UBR3: variants seen among roughly 807,000 people sequenced by gnomAD.
The protein encoded by UBR3 is E3 ubiquitin-protein ligase UBR3.
A neutral mutation model predicts 243.2 loss-of-function variants in UBR3; 85 were observed. The ratio of observed to expected loss-of-function variants is 0.35; its 90% CI spans 0.29 to 0.42. The LOEUF is 0.42. UBR3 is among the 10% of genes least tolerant of loss of function. The pLI is 1.00. For missense variants in UBR3, 1,686 were observed against 2,300.8 expected (o/e 0.73, Z 5.47); for synonymous variants, 748 against 799.8 (o/e 0.94, Z 1.09).
At chr2:169,971,943 C>G in intron 24 of UBR3, among the ~76,000 whole-genome samples, 1 of 152,038 alleles carries the variant, frequency 6.6e-6, no homozygotes, top group East Asian at 1.9e-4. Context: ...AATAGAGACA[C>G]AAAAAACCCT....
At chr2:169,888,888 C>A (rs941590754) in intron 5 of UBR3, among the ~76,000 whole-genome samples, 6 of 151,936 alleles carry the variant, frequency 3.9e-5, no homozygotes, top group Non-Finnish European at 8.8e-5. Flanking sequence ...TATATATTTA[C>A]CTAATCATCT....
intron 1 of UBR3, among the ~76,000 whole-genome samples, chr2:169,867,195 G>C (rs2083290991): frequency 6.6e-6 from 1 of 152,066 alleles, no homozygotes; most frequent in Non-Finnish European, 1.5e-5. Context: ...CATACCCTCA[G>C]TTAATTTCTA....
At chr2:170,023,063 T>C (rs1488941017) in intron 30 of UBR3, among the ~76,000 whole-genome samples, 3 of 152,182 alleles carry the variant, frequency 2.0e-5, no homozygotes, top group African/African-American at 7.2e-5. Flanking sequence ...TTCCTCACTT[T>C]GATTATTCAG....
intron 5 of UBR3, among the ~76,000 whole-genome samples, chr2:169,885,929 G>A (rs1454401954): frequency 6.6e-6 from 1 of 152,142 alleles, no homozygotes; most frequent in East Asian, 1.9e-4. Context: ...GGAGGCCGAG[G>A]TGGGCGATCC....
chr2:169,965,528 T>TA (rs917370422), intron 24 of UBR3, among the ~76,000 whole-genome samples: 17 of 152,242 alleles, frequency 1.1e-4, no homozygotes, highest in African/African-American at 4.1e-4. Context: ...AACACAATAA[T>TA]AAAATAGAAC....
chr2:170,010,080 TG>T (rs1228705832), intron 29 of UBR3, among the ~76,000 whole-genome samples: 1 of 152,196 alleles, frequency 6.6e-6, no homozygotes, highest in African/African-American at 2.4e-5. Flanking sequence ...AAGGATTTAA[TG>T]GATTGGAAAG....
intron 12 of UBR3, 24 bp from the exon 13 acceptor site, chr2:169,924,060 T>G: frequency 6.5e-7 from 1 of 1,527,390 alleles, no homozygotes; most frequent in Non-Finnish European, 8.8e-7. Context: ...ATTGAATTAG[T>G]AACTTTTTTA....
intron 28 of UBR3, 138 bp from the exon 29 acceptor site, chr2:170,008,666 A>G: frequency 2.0e-6 from 1 of 496,506 alleles, no homozygotes; most frequent in Non-Finnish European, 3.4e-6. Context: ...CACTAAATAT[A>G]TTTATAATAG....
At chr2:169,889,279 G>T (rs1265412285) in intron 5 of UBR3, among the ~76,000 whole-genome samples, 1 of 152,058 alleles carries the variant, frequency 6.6e-6, no homozygotes, top group Non-Finnish European at 1.5e-5. Context: ...AATTCTACTT[G>T]TCTTTTAAGT....
At chr2:169,866,065 C>T (rs189686609) in intron 1 of UBR3, among the ~76,000 whole-genome samples, 3 of 142,692 alleles carry the variant, frequency 2.1e-5, no homozygotes, top group East Asian at 4.6e-4. Context: ...TCAGGAGAAT[C>T]GCTTGAACCC....
chr2:170,073,580 T>C lies in UBR3; in HGVS notation c.5172T>C (p.Phe1724=). The C allele has an allele frequency of 6.2e-7, 1 of 1,613,398 alleles. No individual in the cohort carries two copies. Among genetic ancestry groups the C allele is most frequent in the Non-Finnish European group, 8.5e-7 (1 of 1,179,588 alleles). ...ITQWCFEIKS[F]TERHAEQGKA... ...AGTGGTGTTTTGAGATAAAATCATTTACTGAAAGACATGCAGAACAAGGAA... is the reference window on the plus strand; with the variant it reads ...AGTGGTGTTTTGAGATAAAATCATTCACTGAAAGACATGCAGAACAAGGAA... The change falls in exon 36 of 39, where the codon TTT becomes TTC. Residue 1724 remains phenylalanine (F), a synonymous_variant. Coordinates refer to ENST00000272793, the MANE Select transcript of UBR3 (RefSeq NM_172070.4).
chr2:169,877,363 C>G (rs959185240), intron 3 of UBR3, 131 bp from the exon 4 acceptor site: 11 of 766,580 alleles, frequency 1.4e-5, no homozygotes, highest in African/African-American at 1.8e-5. Flanking sequence ...TTGAAGCTAT[C>G]TTATATTATT....
chr2:170,079,137 A>G (rs1030204326), intron 36 of UBR3, among the ~76,000 whole-genome samples: 1 of 152,340 alleles, frequency 6.6e-6, no homozygotes, highest in African/African-American at 2.4e-5. Context: ...TAGCATCTAG[A>G]AAAATTTAGT....
intron 26 of UBR3, among the ~76,000 whole-genome samples, chr2:170,000,893 A>G (rs1461321517): frequency 3.3e-5 from 5 of 152,214 alleles, no homozygotes; most frequent in African/African-American, 4.8e-5. Context: ...AAACCGAGAG[A>G]GTAGCATTAA....
At chr2:169,875,401 T>C (rs2083569903) in intron 2 of UBR3, among the ~76,000 whole-genome samples, 1 of 152,034 alleles carries the variant, frequency 6.6e-6, no homozygotes, top group Non-Finnish European at 1.5e-5. Context: ...ATGATCTCAG[T>C]TCACTGCCAC....
chr2:170,015,172 AAAATAAAGTTG>A, intron 29 of UBR3, 98 bp from the exon 30 acceptor site: 1 of 891,636 alleles, frequency 1.1e-6, no homozygotes, highest in Non-Finnish European at 1.7e-6. Context: ...GCTTTTGCAA[AAAATAAAGTTG>A]AAGAACTTTA....
At chr2:169,950,093 G>T in intron 23 of UBR3, 28 bp downstream of exon 23, 2 of 1,509,884 alleles carry the variant, frequency 1.3e-6, no homozygotes, top group African/African-American at 1.4e-5. Context: ...TGTTTTAAAC[G>T]TGTGTATAGT....
chr2:169,950,165 G>GTGATGTT (rs2086957109), intron 23 of UBR3, 100 bp downstream of exon 23: 1 of 1,099,376 alleles, frequency 9.1e-7, no homozygotes, highest in Admixed American at 2.8e-5. Context: ...TGTTTAACAG[G>GTGATGTT]AACAGTCATA....
chr2:169,845,508 TCGTCGTCGTC>T (rs2105288322), intron 1 of UBR3, among the ~76,000 whole-genome samples: 1 of 91,696 alleles, frequency 1.1e-5, no homozygotes, highest in African/African-American at 4.6e-5. Context: ...GTCATCGTCG[TCGTCGTCGTC>T]GTCGTCGTCG....
Sources: allele counts gnomAD v4.1 joint callset (sites outside exome capture counted in the v4.1 genomes callset), GRCh38; gene constraint gnomAD v4.1.1; transcripts MANE v1.5; gene names NCBI Gene and HGNC (gene_info 2026-07-23, HGNC 2026-07-21).